The following RAI14 variants were observed in gnomAD, a reference collection of about 807,000 sequenced individuals.
RAI14 encodes the protein retinoic acid induced 14, also known as ankycorbin.
Under a neutral mutation model 115.4 loss-of-function variants are expected in RAI14, and 45 were observed. That is an observed-to-expected ratio of 0.39 (90% confidence interval 0.31 to 0.50). The LOEUF (loss-of-function observed/expected upper bound fraction) is 0.50, where lower values mean the gene tolerates loss of function less well. Among genes scored for constraint, RAI14 ranks in the 20% least tolerant of loss-of-function variants. The pLI is 0.85. For missense variants in RAI14, 939 were observed against 1,131.2 expected, an observed-to-expected ratio of 0.83 and a Z score of 2.44; for synonymous variants, 371 against 415.4, an observed-to-expected ratio of 0.89 and a Z score of 1.30.
chr5:34,805,590 A>G (rs1351143679), intron 5 of RAI14, among the ~76,000 whole-genome samples: 1 of 152,202 alleles, frequency 6.6e-6, no homozygotes, highest in East Asian at 1.9e-4. Flanking sequence ...CTGTAATCCT[A>G]GCACTTTGGG....
intron 2 of RAI14, among the ~76,000 whole-genome samples, chr5:34,689,972 T>A (rs1477622438): frequency 6.6e-6 from 1 of 152,210 alleles, no homozygotes; most frequent in African/African-American, 2.4e-5. Context: ...TTCTTCCTCC[T>A]AATTAGCAAC....
chr5:34,734,325 A>G (rs1156732784), intron 2 of RAI14, among the ~76,000 whole-genome samples: 1 of 152,144 alleles, frequency 6.6e-6, no homozygotes. Flanking sequence ...CAGTGTTCTG[A>G]TATAGTCTAG....
At chr5:34,708,932 C>T (rs1741060759) in intron 2 of RAI14, among the ~76,000 whole-genome samples, 1 of 151,952 alleles carries the variant, frequency 6.6e-6, no homozygotes, top group Admixed American at 6.6e-5. Context: ...CGTTTGAGGC[C>T]AGGAGTTTGA....
chr5:34,752,535 CAGAG>C lies in RAI14; in HGVS notation c.37-4928_37-4925del, dbSNP rs574195397. Among the ~76,000 whole-genome samples, 339 of 151,942 alleles carry C rather than the reference CAGAG, an allele frequency of 2.2e-3. 1 individual carries two copies. Among genetic ancestry groups the C allele is most frequent in the African/African-American group, 5.7e-3 (237 of 41,440 alleles). On this transcript the variant is annotated intron_variant, in intron 2 of 17. Coordinates refer to ENST00000265109, the MANE Select transcript of RAI14 (RefSeq NM_015577.3). ...CCAGGGACGCAATGGAGTAGAGAAACAGAGAGAGGCCACCAGGAAAGGGTGGAGA... is the reference window on the plus strand; with the variant it reads ...CCAGGGACGCAATGGAGTAGAGAAACAGAGGCCACCAGGAAAGGGTGGAGA...
chr5:34,805,382 C>T (rs1415123241), intron 5 of RAI14, among the ~76,000 whole-genome samples: 1 of 152,166 alleles, frequency 6.6e-6, no homozygotes, highest in Non-Finnish European at 1.5e-5. Context: ...CCTGCTGCCC[C>T]CCACTCCTAT....
At chr5:34,829,898 A>G in intron 17 of RAI14, 101 bp downstream of exon 17, 1 of 1,006,824 alleles carries the variant, frequency 9.9e-7, no homozygotes, top group Middle Eastern at 2.1e-4. Flanking sequence ...AACAAGAATT[A>G]GAGGAGAATC....
At chr5:34,822,743 G>A (rs564230258) in intron 14 of RAI14, among the ~76,000 whole-genome samples, 2 of 131,404 alleles carry the variant, frequency 1.5e-5, no homozygotes. Context: ...GAGTGCAGTG[G>A]CGCGATCTCG....
intron 4 of RAI14, among the ~76,000 whole-genome samples, chr5:34,801,837 G>A (rs6891796): frequency 0.41 from 62,672 of 151,970 alleles, 13,417 homozygotes; most frequent in Admixed American, 0.53. Flanking sequence ...TTGTGAGGCC[G>A]AGGCAGGAGG....
intron 3 of RAI14, among the ~76,000 whole-genome samples, chr5:34,761,920 C>T (rs1748699391): frequency 6.6e-6 from 1 of 152,184 alleles, no homozygotes; most frequent in Admixed American, 6.5e-5. Context: ...TGCACTACCA[C>T]ACCCACCTTT....
At chr5:34,658,712 C>T (rs979626580) in intron 1 of RAI14, among the ~76,000 whole-genome samples, 1 of 152,048 alleles carries the variant, frequency 6.6e-6, no homozygotes, top group Non-Finnish European at 1.5e-5. Flanking sequence ...GCAGGAGAAT[C>T]GCTTGAACCC....
intron 1 of RAI14, among the ~76,000 whole-genome samples, chr5:34,685,275 C>A (rs1744742312): frequency 6.6e-6 from 1 of 151,942 alleles, no homozygotes; most frequent in South Asian, 2.1e-4. Flanking sequence ...CAGGATTTGG[C>A]TTTTTGGTTT....
chr5:34,803,629 C>T (rs1754538091), intron 4 of RAI14, 83 bp from the exon 5 acceptor site: 2 of 1,112,538 alleles, frequency 1.8e-6, no homozygotes, highest in East Asian at 2.6e-5. Flanking sequence ...TTCCTTATAG[C>T]TGTCTTCTCA....
chr5:34,764,514 G>T (rs548078252), intron 3 of RAI14, among the ~76,000 whole-genome samples: 2 of 151,344 alleles, frequency 1.3e-5, no homozygotes, highest in African/African-American at 4.9e-5. Flanking sequence ...GGCTGAGGAA[G>T]GCCCAGGAAG....
At position 34,826,420 on chromosome 5, in the gene RAI14, CAG is replaced by C. The variant is rs1311990707; in HGVS notation, c.2743_2744del (p.Gln916AlafsTer44). 1 of 1,614,104 alleles carries C rather than the reference CAG, an allele frequency of 6.2e-7. No individual in the cohort carries two copies. Among genetic ancestry groups the C allele is most frequent in the African/African-American group, 1.3e-5 (1 of 75,034 alleles). ...CTACTCAACAAGCTCATCCAAAAGG[CAG>C]AGTCAGCAGCTGGAGGCGCTGCAGC... ...LSYSTSSSKR[Q>X]SQQLEALQQQ... On this transcript the variant is annotated frameshift_variant, in exon 16 of 18. Transcript: ENST00000265109. LOFTEE classifies it high-confidence loss of function.
chr5:34,750,036 A>C (rs946901647), intron 2 of RAI14, among the ~76,000 whole-genome samples: 45 of 152,228 alleles, frequency 3.0e-4, no homozygotes, highest in Non-Finnish European at 8.8e-5. Context: ...TATTCATAGA[A>C]CATTAGTCAA....
intron 2 of RAI14, among the ~76,000 whole-genome samples, chr5:34,734,815 C>T (rs970532523): frequency 6.6e-6 from 1 of 152,100 alleles, no homozygotes; most frequent in African/African-American, 2.4e-5. Flanking sequence ...CACATACCAC[C>T]ACGCCAAGCT....
At chr5:34,813,906 A>C (rs1353179633) in intron 11 of RAI14, among the ~76,000 whole-genome samples, 1 of 152,220 alleles carries the variant, frequency 6.6e-6, no homozygotes, top group Non-Finnish European at 1.5e-5. Flanking sequence ...GAAAAGTCTC[A>C]AGGAAATTTC....
At chr5:34,686,988 C>A in intron 2 of RAI14, 33 bp downstream of exon 2, 1 of 1,612,164 alleles carries the variant, frequency 6.2e-7, no homozygotes, top group Non-Finnish European at 8.5e-7. Context: ...TCTGGCTGTT[C>A]CTTCTTCTCC....
At chr5:34,756,956 T>C (rs1747967762) in intron 2 of RAI14, among the ~76,000 whole-genome samples, 1 of 152,172 alleles carries the variant, frequency 6.6e-6, no homozygotes. Context: ...TTAAAATCAG[T>C]ATCCAGCTCA....
Sources: allele counts gnomAD v4.1 joint callset (sites outside exome capture counted in the v4.1 genomes callset), GRCh38; gene constraint gnomAD v4.1.1; transcripts MANE v1.5; gene names NCBI Gene and HGNC (gene_info 2026-07-23, HGNC 2026-07-21).